CSMD1: variants seen among roughly 807,000 people sequenced by gnomAD.
The protein encoded by CSMD1 is CUB and sushi domain-containing protein 1.
A neutral mutation model predicts 417.5 loss-of-function variants in CSMD1; 213 were observed. That is an observed-to-expected ratio of 0.51 (90% CI 0.46 to 0.57). CSMD1 has a LOEUF of 0.57. CSMD1 is among the 20% of genes least tolerant of loss of function. The pLI is 0.00. For missense variants in CSMD1, 6,923 were observed against 4,529.7 expected (o/e 1.53, Z -15.17); for synonymous variants, 2,862 against 1,736.8 (o/e 1.65, Z -16.11).
intron 1 of CSMD1, among the ~76,000 whole-genome samples, chr8:4,768,781 C>G (rs1234109315): frequency 6.6e-6 from 1 of 152,048 alleles, no homozygotes; most frequent in Non-Finnish European, 1.5e-5. Context: ...ATAGGCACAT[C>G]TTATGGGAAG....
intron 25 of CSMD1, among the ~76,000 whole-genome samples, chr8:3,298,201 A>T (rs76230071): frequency 3.9e-4 from 59 of 152,292 alleles, no homozygotes; most frequent in African/African-American, 1.4e-3. Context: ...GGAAGGTAGG[A>T]TTCACCATTA....
At chr8:3,561,632 G>C (rs1017235376) in intron 10 of CSMD1, among the ~76,000 whole-genome samples, 16 of 152,196 alleles carry the variant, frequency 1.1e-4, no homozygotes, top group African/African-American at 3.9e-4. Flanking sequence ...AGTGAGGAGA[G>C]AGGCAGGAGA....
intron 2 of CSMD1, among the ~76,000 whole-genome samples, chr8:4,565,241 G>C (rs1044860166): frequency 2.0e-5 from 3 of 152,146 alleles, no homozygotes; most frequent in Non-Finnish European, 4.4e-5. Flanking sequence ...ATTGGATTAA[G>C]AATGCCTCAT....
At chr8:4,127,337 A>C (rs562643155) in intron 3 of CSMD1, among the ~76,000 whole-genome samples, 1 of 151,698 alleles carries the variant, frequency 6.6e-6, no homozygotes, top group African/African-American at 2.4e-5. Context: ...CTGGCAGTAC[A>C]AGCCTCTCCC....
chr8:3,679,299 G>A (rs1452585976), intron 7 of CSMD1, among the ~76,000 whole-genome samples: 1 of 152,122 alleles, frequency 6.6e-6, no homozygotes, highest in Non-Finnish European at 1.5e-5. Flanking sequence ...CATCTCATGT[G>A]CAGAGACACA....
intron 54 of CSMD1, among the ~76,000 whole-genome samples, chr8:2,997,452 C>T (rs1485688349): frequency 2.6e-5 from 4 of 152,122 alleles, no homozygotes; most frequent in Non-Finnish European, 4.4e-5. Flanking sequence ...AAATACTTGC[C>T]CTTCACACTA....
At chr8:3,339,927 A>C (rs1226807370) in intron 23 of CSMD1, among the ~76,000 whole-genome samples, 1 of 152,196 alleles carries the variant, frequency 6.6e-6, no homozygotes, top group Non-Finnish European at 1.5e-5. Flanking sequence ...TTTTCTAACG[A>C]AGGTACACTT....
At chr8:4,966,337 C>A (rs1034915779) in intron 1 of CSMD1, among the ~76,000 whole-genome samples, 9 of 152,092 alleles carry the variant, frequency 5.9e-5, no homozygotes, top group Admixed American at 5.9e-4. Context: ...CAAGATCACA[C>A]CATTGCACTC....
intron 3 of CSMD1, among the ~76,000 whole-genome samples, chr8:4,204,782 G>C (rs1168289872): frequency 6.6e-6 from 1 of 152,178 alleles, no homozygotes; most frequent in South Asian, 2.1e-4. Flanking sequence ...AGCCTCCTGA[G>C]TAGCTGAGAC....
At chr8:4,788,624 C>G (rs2117222202) in intron 1 of CSMD1, 3 of 848,486 alleles carry the variant, frequency 3.5e-6, no homozygotes, top group Non-Finnish European at 5.5e-6. Flanking sequence ...GGAAAAACTA[C>G]AAATTTCTAA....
chr8:3,909,065 G>A (rs893313306), intron 5 of CSMD1, among the ~76,000 whole-genome samples: 5 of 152,306 alleles, frequency 3.3e-5, no homozygotes, highest in African/African-American at 9.6e-5. Context: ...AGCTGAGAAG[G>A]CCTTTGGAGA....
chr8:3,141,343 C>A (rs555798412), intron 41 of CSMD1, among the ~76,000 whole-genome samples: 23 of 152,284 alleles, frequency 1.5e-4, no homozygotes, highest in African/African-American at 4.8e-4. Context: ...TTTAAGCTGT[C>A]CTTGTTCATT....
At chr8:4,782,630 AT>A (rs1164743710) in intron 1 of CSMD1, among the ~76,000 whole-genome samples, 1 of 152,074 alleles carries the variant, frequency 6.6e-6, no homozygotes. Flanking sequence ...ATGTACAGCT[AT>A]TTTTTACTGT....
intron 7 of CSMD1, among the ~76,000 whole-genome samples, chr8:3,623,563 C>G (rs1319058153): frequency 6.6e-6 from 1 of 152,140 alleles, no homozygotes; most frequent in Non-Finnish European, 1.5e-5. Flanking sequence ...TATGTGTTTG[C>G]TAGAAACTCT....
intron 26 of CSMD1, among the ~76,000 whole-genome samples, chr8:3,269,014 C>G (rs545427260): frequency 4.6e-5 from 7 of 152,304 alleles, no homozygotes; most frequent in African/African-American, 1.7e-4. Context: ...TTTTACATGT[C>G]TTGATTCTCT....
At chr8:3,520,039 T>TATATATATATATATACAC (rs545212684) in intron 10 of CSMD1, among the ~76,000 whole-genome samples, 2 of 147,184 alleles carry the variant, frequency 1.4e-5, no homozygotes, top group Non-Finnish European at 3.0e-5. Flanking sequence ...TATATATATA[T>TATATATATATATATACAC]ACACGTATAG....
At chr8:3,641,404 G>C (rs1277514952) in intron 7 of CSMD1, among the ~76,000 whole-genome samples, 1 of 152,122 alleles carries the variant, frequency 6.6e-6, no homozygotes, top group Non-Finnish European at 1.5e-5. Context: ...CTTAGAAGCA[G>C]AAATAAAAAT....
chr8:3,726,231 A>T (rs1043614368), intron 6 of CSMD1, among the ~76,000 whole-genome samples: 1 of 152,162 alleles, frequency 6.6e-6, no homozygotes, highest in Non-Finnish European at 1.5e-5. Context: ...CATTGACTGT[A>T]AACCCATGAG....
chr8:4,165,699 G>C (rs1052543939), intron 3 of CSMD1, among the ~76,000 whole-genome samples: 3 of 152,082 alleles, frequency 2.0e-5, no homozygotes, highest in African/African-American at 7.2e-5. Flanking sequence ...CATCACACCC[G>C]GCCCAAGTAT....
Sources: gnomAD v4.1 joint callset for allele counts (sites outside exome capture counted in the v4.1 genomes callset) on GRCh38, gnomAD v4.1.1 for gene constraint, MANE v1.5 for transcripts, NCBI Gene and HGNC (gene_info 2026-07-23, HGNC 2026-07-21) for gene names.